UNC13C: variants seen among roughly 807,000 people sequenced by gnomAD.
UNC13C encodes unc-13 homolog C.
Under a neutral mutation model 245.4 loss-of-function variants are expected in UNC13C, and 174 were observed. That is an observed-to-expected ratio of 0.71 (90% CI 0.63 to 0.80). The LOEUF is 0.80. Among genes scored for constraint, UNC13C ranks in the 30% least tolerant of loss-of-function variants. The pLI is 0.00. For missense variants in UNC13C, 2,829 were observed against 2,602.9 expected, an observed-to-expected ratio of 1.09 and a Z score of -1.89; for synonymous variants, 992 against 895.1, an observed-to-expected ratio of 1.11 and a Z score of -1.93.
At chr15:54,216,853 A>G (rs1198882789) in intron 4 of UNC13C, among the ~76,000 whole-genome samples, 1 of 151,982 alleles carries the variant, frequency 6.6e-6, no homozygotes, top group Non-Finnish European at 1.5e-5. Context: ...AACTTAAGCC[A>G]GTTACATCAT....
intron 30 of UNC13C, among the ~76,000 whole-genome samples, chr15:54,617,669 C>CAAAG (rs1264320047): frequency 6.6e-6 from 1 of 152,016 alleles, no homozygotes; most frequent in Non-Finnish European, 1.5e-5. Flanking sequence ...AAATAATGAG[C>CAAAG]AAAGACCAGG....
chr15:53,850,432 T>C, the UNC13C span, among the ~76,000 whole-genome samples: 2 of 152,080 alleles, frequency 1.3e-5, no homozygotes, highest in Non-Finnish European at 2.9e-5. Context: ...ATTTTTTTAA[T>C]TAAATTTTCA....
intron 4 of UNC13C, among the ~76,000 whole-genome samples, chr15:54,173,196 T>C (rs2033481921): frequency 6.6e-6 from 1 of 152,032 alleles, no homozygotes; most frequent in Non-Finnish European, 1.5e-5. Context: ...CAAGGTTATA[T>C]TGTAGCCATT....
chr15:53,975,900 G>A (rs1893680136), upstream of UNC13C, among the ~76,000 whole-genome samples: 1 of 152,156 alleles, frequency 6.6e-6, no homozygotes, highest in Admixed American at 6.5e-5. Flanking sequence ...TGGGGTGAGT[G>A]TATAAATAGA....
At chr15:54,182,830 C>A (rs1215354806) in intron 4 of UNC13C, among the ~76,000 whole-genome samples, 1 of 151,808 alleles carries the variant, frequency 6.6e-6, no homozygotes, top group Non-Finnish European at 1.5e-5. Context: ...GAGAAAATAT[C>A]TAGGTGGTTA....
chr15:54,544,095 C>T (rs1896370374), intron 26 of UNC13C, among the ~76,000 whole-genome samples: 2 of 152,272 alleles, frequency 1.3e-5, no homozygotes, highest in South Asian at 4.2e-4. Context: ...AGCTTATCTA[C>T]CATGATCAAA....
At chr15:54,496,803 T>C (rs1265284119) in intron 20 of UNC13C, among the ~76,000 whole-genome samples, 1 of 149,050 alleles carries the variant, frequency 6.7e-6, no homozygotes, top group Admixed American at 6.8e-5. Context: ...TACAATGGAC[T>C]TTGAGGACTT....
chr15:53,840,959 C>A, the UNC13C span, among the ~76,000 whole-genome samples: 1 of 152,042 alleles, frequency 6.6e-6, no homozygotes, highest in Admixed American at 6.6e-5. Flanking sequence ...ACTGCAAGTG[C>A]CAAATTCAGA....
chr15:54,380,694 C>T (rs1161059858), intron 17 of UNC13C, among the ~76,000 whole-genome samples: 1 of 152,116 alleles, frequency 6.6e-6, no homozygotes, highest in Non-Finnish European at 1.5e-5. Context: ...TTTTAATTTG[C>T]ATTTCCCTGA....
At chr15:54,216,397 C>T (rs75838403) in intron 4 of UNC13C, among the ~76,000 whole-genome samples, 4,303 of 151,864 alleles carry the variant, frequency 0.028, 68 homozygotes, top group African/African-American at 0.032. Flanking sequence ...AAAACAGAGA[C>T]GAGGAAACAG....
chr15:53,846,083 C>G, the UNC13C span, among the ~76,000 whole-genome samples: 329 of 152,130 alleles, frequency 2.2e-3, no homozygotes, highest in South Asian at 4.2e-3. Flanking sequence ...TGATTTTGCC[C>G]AATTGTAGGC....
chr15:54,077,113 C>A (rs1272743553), intron 2 of UNC13C, among the ~76,000 whole-genome samples: 2 of 152,000 alleles, frequency 1.3e-5, no homozygotes, highest in East Asian at 3.9e-4. Flanking sequence ...ATAGTGAAGG[C>A]TATGAGTCTC....
intron 10 of UNC13C, among the ~76,000 whole-genome samples, chr15:54,290,308 G>A (rs74015126): frequency 0.071 from 10,746 of 151,988 alleles, 1,313 homozygotes; most frequent in African/African-American, 0.25. Flanking sequence ...AGGTTAATAA[G>A]AAATAATTAG....
chr15:54,014,221 A>C lies in UNC13C; in HGVS notation c.1318A>C (p.Lys440Gln). 2 of 1,613,958 alleles carry C rather than the reference A, an allele frequency of 1.2e-6. No individual in the cohort carries two copies. The highest frequency in any genetic ancestry group is 1.3e-5 in the African/African-American group (1 of 75,058). Residue 440 changes from lysine (K) to glutamine (Q), a missense_variant, in exon 2 of 33, where the codon AAA (lysine) becomes CAA (glutamine). Transcript: ENST00000260323. Reference protein sequence around the residue: ...MAIKLSTPEPKIKKNNWQSPD... With the variant: ...MAIKLSTPEPQIKKNNWQSPD... Reference sequence around the variant, plus strand: ...TATAAAGTTGTCTACTCCAGAGCCAAAAATCAAGAAGAACAATTGGCAGTC... The same window carrying C: ...TATAAAGTTGTCTACTCCAGAGCCACAAATCAAGAAGAACAATTGGCAGTC...
At chr15:53,894,252 G>T in the UNC13C span, among the ~76,000 whole-genome samples, 187 of 152,288 alleles carry the variant, frequency 1.2e-3, no homozygotes, top group African/African-American at 4.4e-3. Context: ...TGTCAATCGC[G>T]CTGGGAGCTG....
At chr15:54,508,241 C>T (rs980043672) in intron 23 of UNC13C, among the ~76,000 whole-genome samples, 1 of 151,858 alleles carries the variant, frequency 6.6e-6, no homozygotes, top group African/African-American at 2.4e-5. Flanking sequence ...CATTGAAAAT[C>T]AAAACAGTAT....
At chr15:54,167,697 C>G (rs1054400616) in intron 4 of UNC13C, among the ~76,000 whole-genome samples, 7 of 149,670 alleles carry the variant, frequency 4.7e-5, no homozygotes, top group African/African-American at 1.5e-4. Flanking sequence ...TATTTTTAAG[C>G]GTAAAAGTTA....
chr15:54,175,508 A>ATTTTTTTTTTTTTTTTTTTTTT lies in UNC13C; in HGVS notation c.3071+31825_3071+31846dup, dbSNP rs55925649. On this transcript the variant is annotated intron_variant, in intron 4 of 32. Coordinates refer to ENST00000260323, the MANE Select transcript of UNC13C (RefSeq NM_001080534.3). ...AAAACACTGTTGTTGTGGCCCTAGA[A>ATTTTTTTTTTTTTTTTTTTTTT]TTTTTTTTTTTTTTTTTTTTTTGAG... 1.6e-4 allele frequency among the ~76,000 whole-genome samples: 17 copies of ATTTTTTTTTTTTTTTTTTTTTT among 105,980 alleles called. 1 individual carries two copies. The highest frequency in any genetic ancestry group is 6.1e-4 in the East Asian group (2 of 3,280). The allele number at this position is 105,980 out of a possible 152,430, so 69.5% of individuals were successfully genotyped here.
chr15:54,282,232 T>C (rs1355372335), intron 10 of UNC13C, among the ~76,000 whole-genome samples: 1 of 152,248 alleles, frequency 6.6e-6, no homozygotes, highest in East Asian at 1.9e-4. Flanking sequence ...TAGTTATATA[T>C]ACAGAATCAT....
Sources: gnomAD v4.1 joint callset for allele counts (sites outside exome capture counted in the v4.1 genomes callset) on GRCh38, gnomAD v4.1.1 for gene constraint, MANE v1.5 for transcripts, NCBI Gene and HGNC (gene_info 2026-07-23, HGNC 2026-07-21) for gene names.